The following FRMPD4 variants were observed in gnomAD, a reference collection of about 807,000 sequenced individuals.
FRMPD4 encodes the protein FERM and PDZ domain containing 4.
FRMPD4 carries 22 observed loss-of-function variants against 94.1 expected under a neutral mutation model. The observed-to-expected ratio is 0.23, with a 90% CI of 0.17 to 0.33. The LOEUF (loss-of-function observed/expected upper bound fraction) is 0.33. Among genes scored for constraint, FRMPD4 ranks in the 10% least tolerant of loss-of-function variants. The probability of loss-of-function intolerance (pLI) is 1.00; values close to 1 mark genes in which losing one functional copy is unlikely to be tolerated. For missense variants in FRMPD4, 1,111 were observed against 1,339.9 expected (o/e 0.83, Z 2.67); for synonymous variants, 631 against 548.6 (o/e 1.15, Z -2.10).
At chrX:12,309,106 G>T (rs1451663018) in intron 1 of FRMPD4, among the ~76,000 whole-genome samples, 2 of 112,222 alleles carry the variant, frequency 1.8e-5, no homozygotes, top group African/African-American at 3.3e-5. Flanking sequence ...GTTATTGCAT[G>T]ACATATGCCA....
At chrX:11,879,771 A>G (rs960752898) in intron 3 of FRMPD4, among the ~76,000 whole-genome samples, 2 of 112,366 alleles carry the variant, frequency 1.8e-5, no homozygotes, top group African/African-American at 6.4e-5. Context: ...CTATGTAAAT[A>G]TAGTTCAAGA....
At chrX:12,587,581 C>G (rs1198372239) in intron 2 of FRMPD4, among the ~76,000 whole-genome samples, 1 of 109,461 alleles carries the variant, frequency 9.1e-6, no homozygotes, top group Non-Finnish European at 1.9e-5. Flanking sequence ...TTTCAAGGAT[C>G]ATTCATGTTG....
At chrX:11,934,693 T>G (rs1334340467) in intron 3 of FRMPD4, among the ~76,000 whole-genome samples, 3 of 112,019 alleles carry the variant, frequency 2.7e-5, no homozygotes, top group Non-Finnish European at 5.6e-5. Context: ...CCTTTGAGAT[T>G]ATAAACTCTT....
chrX:12,430,463 A>C (rs1305129911), intron 1 of FRMPD4, among the ~76,000 whole-genome samples: 1 of 112,664 alleles, frequency 8.9e-6, no homozygotes, highest in African/African-American at 3.2e-5. Flanking sequence ...GAAAGACATC[A>C]TCTTATTTAT....
chrX:12,544,006 T>C (rs1314474632), intron 2 of FRMPD4, among the ~76,000 whole-genome samples: 1 of 105,636 alleles, frequency 9.5e-6, no homozygotes, highest in Non-Finnish European at 1.9e-5. Context: ...AAACACCACA[T>C]GTTCTCAATC....
intron 1 of FRMPD4, among the ~76,000 whole-genome samples, chrX:12,443,848 A>T (rs1405424588): frequency 1.8e-5 from 2 of 111,650 alleles, no homozygotes; most frequent in Non-Finnish European, 3.8e-5. Flanking sequence ...TCATATTTTG[A>T]CCTCCTGGAT....
chrX:12,380,137 C>T lies in FRMPD4; in HGVS notation c.42-118543C>T, dbSNP rs138452754. ...TTCAATTGTTCTGAGCCTATAAAAGCGTATCTATCTTTTCCACTCCGTTTT... is the reference window on the plus strand; with the variant it reads ...TTCAATTGTTCTGAGCCTATAAAAGTGTATCTATCTTTTCCACTCCGTTTT... On this transcript the variant is annotated intron_variant, in intron 1 of 16. Coordinates refer to ENST00000675598, the MANE Select transcript of FRMPD4 (RefSeq NM_001368397.1). 3.6e-3 allele frequency among the ~76,000 whole-genome samples: 400 copies of T among 111,908 alleles called. 2 individuals are homozygous for T. Among genetic ancestry groups the T allele is most frequent in the African/African-American group, 0.012 (384 of 30,861 alleles).
At chrX:12,413,752 G>A (rs902478298) in intron 1 of FRMPD4, among the ~76,000 whole-genome samples, 1 of 112,052 alleles carries the variant, frequency 8.9e-6, no homozygotes, top group Admixed American at 9.4e-5. Context: ...ACATTGTGGG[G>A]CAGCCTTTAA....
At chrX:11,994,304 G>A (rs1330340908) in intron 3 of FRMPD4, among the ~76,000 whole-genome samples, 1 of 111,326 alleles carries the variant, frequency 9.0e-6, no homozygotes, top group African/African-American at 3.3e-5. Flanking sequence ...ATCACAAAAG[G>A]TGACTTGAAA....
chrX:12,205,966 A>AT (rs1367265754), intron 1 of FRMPD4, among the ~76,000 whole-genome samples: 1 of 112,360 alleles, frequency 8.9e-6, no homozygotes, highest in African/African-American at 3.2e-5. Context: ...AGAAAGGGCT[A>AT]TAGGCTCTGT....
chrX:12,566,594 A>T (rs1357141451), intron 2 of FRMPD4, among the ~76,000 whole-genome samples: 2 of 112,491 alleles, frequency 1.8e-5, no homozygotes, highest in African/African-American at 6.5e-5. Context: ...TCCCCATGTA[A>T]TTTAAAGAAA....
intron 1 of FRMPD4, among the ~76,000 whole-genome samples, chrX:12,264,439 T>G (rs2054242574): frequency 8.9e-6 from 1 of 111,947 alleles, no homozygotes; most frequent in Non-Finnish European, 1.9e-5. Context: ...AAGACCCTCT[T>G]CACTTTTTTC....
intron 2 of FRMPD4, among the ~76,000 whole-genome samples, chrX:12,546,833 C>T (rs2058482393): frequency 1.8e-5 from 2 of 108,395 alleles, no homozygotes; most frequent in South Asian, 8.2e-4. Flanking sequence ...CTTTACCTGG[C>T]ACTGACCGTG....
chrX:12,565,014 G>A (rs1284216444), intron 2 of FRMPD4, among the ~76,000 whole-genome samples: 3 of 110,204 alleles, frequency 2.7e-5, no homozygotes, highest in Non-Finnish European at 5.7e-5. Flanking sequence ...TAAACTGGGG[G>A]AGGCAGAGGT....
chrX:12,011,439 C>G (rs753244285), intron 3 of FRMPD4, among the ~76,000 whole-genome samples: 1 of 112,128 alleles, frequency 8.9e-6, no homozygotes, highest in Admixed American at 9.4e-5. Flanking sequence ...ATCATACTAG[C>G]CACATTTCAA....
At chrX:12,406,821 T>A (rs1312476560) in intron 1 of FRMPD4, among the ~76,000 whole-genome samples, 1 of 112,192 alleles carries the variant, frequency 8.9e-6, no homozygotes, top group Non-Finnish European at 1.9e-5. Flanking sequence ...CTATGGCTGC[T>A]GTAACAAATT....
intron 3 of FRMPD4, among the ~76,000 whole-genome samples, chrX:11,888,770 T>TA (rs1005285637): frequency 7.1e-5 from 8 of 111,972 alleles, no homozygotes; most frequent in African/African-American, 9.7e-5. Context: ...GCATTATTTC[T>TA]AAAAAAAATG....
chrX:12,235,689 CT>C (rs2057063927), intron 1 of FRMPD4, among the ~76,000 whole-genome samples: 1 of 112,084 alleles, frequency 8.9e-6, no homozygotes, highest in African/African-American at 3.2e-5. Context: ...CAGTATTAGA[CT>C]TTTTATGCAG....
intron 4 of FRMPD4, among the ~76,000 whole-genome samples, chrX:12,643,402 C>A (rs912931731): frequency 9.0e-6 from 1 of 111,542 alleles, no homozygotes; most frequent in Non-Finnish European, 1.9e-5. Flanking sequence ...GGATTACAGG[C>A]GTGAGGCACC....
Sources: allele counts gnomAD v4.1 joint callset (sites outside exome capture counted in the v4.1 genomes callset), GRCh38; gene constraint gnomAD v4.1.1; transcripts MANE v1.5; gene names NCBI Gene and HGNC (gene_info 2026-07-23, HGNC 2026-07-21).